The following ATP2B1 variants were observed in gnomAD, a reference collection of about 807,000 sequenced individuals.
ATP2B1 encodes the protein plasma membrane calcium-transporting ATPase 1.
Under a neutral mutation model 124.2 loss-of-function variants are expected in ATP2B1, and 14 were observed. That is an observed-to-expected ratio of 0.11 (90% CI 0.07 to 0.18). The LOEUF is 0.18. Among genes scored for constraint, ATP2B1 ranks in the 10% least tolerant of loss-of-function variants. The pLI, the probability that ATP2B1 is intolerant of heterozygous loss-of-function variation, is 1.00. For missense variants in ATP2B1, 763 were observed against 1,466.1 expected (o/e 0.52, Z 7.83); for synonymous variants, 449 against 492.4 (o/e 0.91, Z 1.17).
intron 1 of ATP2B1, among the ~76,000 whole-genome samples, chr12:89,701,284 ATC>A (rs1309131448): frequency 6.6e-6 from 1 of 151,990 alleles, no homozygotes; most frequent in Non-Finnish European, 1.5e-5. Context: ...CTTTCCCATC[ATC>A]TCTCTTTGAT....
intron 2 of ATP2B1, among the ~76,000 whole-genome samples, chr12:89,649,040 G>C (rs1884891968): frequency 6.6e-6 from 1 of 152,266 alleles, no homozygotes; most frequent in African/African-American, 2.4e-5. Context: ...GGAAATATCA[G>C]AAAGGCTTGG....
At chr12:89,660,272 A>G (rs1368551133) in intron 1 of ATP2B1, among the ~76,000 whole-genome samples, 1 of 152,232 alleles carries the variant, frequency 6.6e-6, no homozygotes, top group Non-Finnish European at 1.5e-5. Flanking sequence ...AGCAACTCAA[A>G]GCTAGGTAAA....
At chr12:89,689,119 A>T (rs1357043969) in intron 1 of ATP2B1, among the ~76,000 whole-genome samples, 3 of 152,080 alleles carry the variant, frequency 2.0e-5, no homozygotes, top group Non-Finnish European at 4.4e-5. Flanking sequence ...TTTCAATGCT[A>T]GCACTCTTTT....
rs979272839 is a variant in ATP2B1 at position 89,664,642 on chromosome 12, CCTCA to C, written c.-221-8539_-221-8536del. 2.6e-5 allele frequency among the ~76,000 whole-genome samples: 4 copies of C among 152,292 alleles called. No homozygotes were observed. In the East Asian group the frequency reaches 7.7e-4, roughly 29 times the overall value. ...ACCTGTGAAAACACAGATTCCTGAG[CCTCA>C]CTCAGTTGATCGAACACTTCATGAG... On this transcript the variant is annotated intron_variant, in intron 1 of 20. Coordinates refer to ENST00000428670, the MANE Select transcript of ATP2B1 (RefSeq NM_001366521.1).
chr12:89,674,083 T>G (rs1328651338), intron 1 of ATP2B1, among the ~76,000 whole-genome samples: 1 of 152,152 alleles, frequency 6.6e-6, no homozygotes, highest in Non-Finnish European at 1.5e-5. Flanking sequence ...ATTTCCTCAT[T>G]CAAGGCTTAT....
At chr12:89,682,352 GT>G (rs1889456474) in intron 1 of ATP2B1, among the ~76,000 whole-genome samples, 1 of 152,112 alleles carries the variant, frequency 6.6e-6, no homozygotes, top group African/African-American at 2.4e-5. Context: ...ACAAGCTGGT[GT>G]TTAGTTTAGT....
At chr12:89,707,316 C>A (rs190332655) in intron 1 of ATP2B1, among the ~76,000 whole-genome samples, 12 of 152,236 alleles carry the variant, frequency 7.9e-5, no homozygotes, top group Admixed American at 6.5e-4. Flanking sequence ...ACAAGTACTT[C>A]TTATTATAAA....
chr12:89,689,094 C>T (rs1890268468), intron 1 of ATP2B1, among the ~76,000 whole-genome samples: 2 of 152,170 alleles, frequency 1.3e-5, no homozygotes, highest in African/African-American at 4.8e-5. Flanking sequence ...TAAACAGATG[C>T]TCTTTAGACG....
intron 2 of ATP2B1, among the ~76,000 whole-genome samples, chr12:89,651,344 C>T (rs1885224811): frequency 6.6e-6 from 1 of 152,150 alleles, no homozygotes; most frequent in African/African-American, 2.4e-5. Flanking sequence ...CCAGCCTTGA[C>T]TCAGGCGATC....
chr12:89,595,435 T>C (rs564736789), intron 20 of ATP2B1, among the ~76,000 whole-genome samples: 3 of 152,146 alleles, frequency 2.0e-5, no homozygotes, highest in Non-Finnish European at 2.9e-5. Context: ...CAGAATGTTT[T>C]CTCTAGAGAC....
intron 10 of ATP2B1, among the ~76,000 whole-genome samples, chr12:89,620,551 G>A (rs1468543137): frequency 1.3e-5 from 2 of 152,234 alleles, no homozygotes; most frequent in East Asian, 3.9e-4. Flanking sequence ...TAAGATGTAT[G>A]AAGTTTATAG....
At position 89,619,990 on chromosome 12, in the gene ATP2B1, T is replaced by C. The variant is rs771688306; in HGVS notation, c.1829+9A>G. On this transcript the variant is annotated intron_variant, in intron 11 of 20. Coordinates refer to ENST00000428670, the MANE Select transcript of ATP2B1 (RefSeq NM_001366521.1). ...CAGCAATTTATTCATCCAAGCATTT[T>C]ACTCTTACTTTTTCAGAATTATCTC... 1.1e-5 allele frequency: 17 copies of C among 1,612,742 alleles called. No homozygotes were observed. In the African/African-American group the frequency reaches 2.0e-4, roughly 19 times the overall value.
chr12:89,650,881 G>C (rs1271573814), intron 2 of ATP2B1, among the ~76,000 whole-genome samples: 3 of 152,110 alleles, frequency 2.0e-5, no homozygotes, highest in African/African-American at 7.2e-5. Context: ...GAATAAGAAA[G>C]TCAATGCAGG....
At chr12:89,705,408 T>C (rs897996386) in intron 1 of ATP2B1, among the ~76,000 whole-genome samples, 1 of 152,172 alleles carries the variant, frequency 6.6e-6, no homozygotes, top group Non-Finnish European at 1.5e-5. Context: ...GTCCTTTTAT[T>C]GTTTTTTGCT....
chr12:89,648,047 T>A (rs562832301), intron 2 of ATP2B1, among the ~76,000 whole-genome samples: 2 of 152,294 alleles, frequency 1.3e-5, no homozygotes, highest in South Asian at 4.1e-4. Context: ...CTCTTTTCTT[T>A]ATAAATTACC....
chr12:89,626,727 G>GCTT, intron 7 of ATP2B1, 112 bp from the exon 8 acceptor site: 1 of 1,261,506 alleles, frequency 7.9e-7, no homozygotes, highest in East Asian at 2.6e-5. Context: ...AAAGGTATAA[G>GCTT]CATTCAGCTT....
At chr12:89,679,742 T>C (rs904904254) in intron 1 of ATP2B1, among the ~76,000 whole-genome samples, 32 of 152,022 alleles carry the variant, frequency 2.1e-4, no homozygotes, top group Admixed American at 3.9e-4. Context: ...CCAAAGGACA[T>C]AGAGGAAGTA....
Position 89,609,970 on chromosome 12 carries a change from T to C in ATP2B1, c.2409A>G (p.Pro803=), listed in dbSNP as rs2135994351. 6.2e-7 allele frequency: 1 copy of C among 1,613,762 alleles called. No individual in the cohort carries two copies. The highest frequency in any genetic ancestry group is 8.5e-7 in the Non-Finnish European group (1 of 1,179,782). ...AVTGDGTNDG[P]ALKKADVGFA... is the part of the protein sequence containing the mutation. ...ATCCAACATCTGCTTTCTTTAGTGC[T>C]GGGCCATCATTTGTACCATCACCAG... The change falls in exon 15 of 21, where the codon CCA becomes CCG. Residue 803 remains proline (P), a synonymous_variant. Coordinates refer to ENST00000428670, the MANE Select transcript of ATP2B1 (RefSeq NM_001366521.1).
chr12:89,653,794 CTG>C (rs1885609365), intron 2 of ATP2B1, among the ~76,000 whole-genome samples: 1 of 152,168 alleles, frequency 6.6e-6, no homozygotes, highest in Non-Finnish European at 1.5e-5. Flanking sequence ...GTGAAAGAAA[CTG>C]TAGTGCAAAC....
Sources: allele counts gnomAD v4.1 joint callset (sites outside exome capture counted in the v4.1 genomes callset), GRCh38; gene constraint gnomAD v4.1.1; transcripts MANE v1.5; gene names NCBI Gene and HGNC (gene_info 2026-07-23, HGNC 2026-07-21).